The following FAM149A variants were observed in gnomAD, a reference collection of about 807,000 sequenced individuals.
FAM149A encodes protein FAM149A.
A neutral mutation model predicts 78.2 loss-of-function variants in FAM149A; 71 were observed. The observed-to-expected ratio is 0.91, with a 90% CI of 0.75 to 1.11. The LOEUF (loss-of-function observed/expected upper bound fraction) is 1.11. Among genes scored for constraint, FAM149A ranks in the 50% least tolerant of loss-of-function variants. The probability of loss-of-function intolerance (pLI) is 0.00; values close to 1 mark genes in which losing one functional copy is unlikely to be tolerated. For synonymous variants in FAM149A, 446 were observed against 410.5 expected, an observed-to-expected ratio of 1.09 and a Z score of -1.04; for missense variants, 1,036 against 971.0, an observed-to-expected ratio of 1.07 and a Z score of -0.89.
intron 1 of FAM149A, chr4:186,127,185 G>A: frequency 1.0e-6 from 1 of 977,654 alleles, no homozygotes; most frequent in Non-Finnish European, 1.2e-6. Flanking sequence ...TCCACCCTGA[G>A]TAGCATCACA....
At chr4:186,136,992 C>A (rs188399008) in intron 1 of FAM149A, among the ~76,000 whole-genome samples, 1 of 126,694 alleles carries the variant, frequency 7.9e-6, no homozygotes, top group Admixed American at 8.4e-5. Flanking sequence ...CTCTCTCTCT[C>A]TCTCTCTCTC....
intron 1 of FAM149A, among the ~76,000 whole-genome samples, chr4:186,138,949 G>T (rs1449901993): frequency 1.3e-5 from 2 of 152,202 alleles, no homozygotes; most frequent in Non-Finnish European, 2.9e-5. Flanking sequence ...CCTCCTGGAA[G>T]GGGAGACACA....
At chr4:186,154,232 A>T (rs1733846618) in intron 5 of FAM149A, among the ~76,000 whole-genome samples, 1 of 152,206 alleles carries the variant, frequency 6.6e-6, no homozygotes, top group Admixed American at 6.5e-5. Flanking sequence ...ACTGCAACCA[A>T]AGAGGGTACA....
At chr4:186,123,339 T>C in intron 1 of FAM149A, 4 of 985,502 alleles carry the variant, frequency 4.1e-6, no homozygotes, top group Non-Finnish European at 4.8e-6. Flanking sequence ...TTTTCTTGTC[T>C]GTACCTTTAT....
In FAM149A at chr4:186,165,390, C is replaced by T. The variant is rs200663596; in HGVS notation, c.1936C>T (p.Arg646Trp). 155 of 1,614,138 alleles carry T rather than the reference C, an allele frequency of 9.6e-5. 3 individuals carry two copies. The East Asian group carries it at 1.3e-3, about 13-fold the overall frequency. ...GGCTTCCCCACTGGTTCAAACGTCA[C>T]GGAGCAGGTTCCCCCCGCTAGTCAC... The change falls in exon 11 of 14, where the codon CGG becomes TGG. Residue 646 changes from arginine (R) to tryptophan (W), a missense_variant. Arg to Trp is a moderately radical substitution (Grantham distance 101, BLOSUM62 -3). Around this residue, in one of 3 missense-constraint regions of FAM149A, gnomAD observed 716 missense variants for 711.8 expected, o/e 1.01. Transcript: ENST00000389354.
chr4:186,113,830 G>C (rs1410076032), intron 1 of FAM149A, among the ~76,000 whole-genome samples: 1 of 150,922 alleles, frequency 6.6e-6, no homozygotes, highest in East Asian at 2.0e-4. Flanking sequence ...GGTCAATTTT[G>C]GAATAGGTGT....
intron 13 of FAM149A, among the ~76,000 whole-genome samples, chr4:186,168,556 A>G (rs1209456566): frequency 6.6e-6 from 1 of 152,114 alleles, no homozygotes; most frequent in African/African-American, 2.4e-5. Flanking sequence ...AGGTTTCACC[A>G]TATTGGCCAG....
At chr4:186,135,034 C>T (rs1014277143) in intron 1 of FAM149A, among the ~76,000 whole-genome samples, 8 of 152,222 alleles carry the variant, frequency 5.3e-5, no homozygotes, top group South Asian at 2.1e-4. Context: ...ACCAGCAGCA[C>T]GTGGGATCCT....
rs200534330 is a variant in FAM149A at position 186,163,476 on chromosome 4, G to T, written c.1732G>T (p.Ala578Ser). The change falls in exon 10 of 14, where the codon GCA becomes TCA. Residue 578 changes from alanine (A) to serine (S), a missense_variant. Ala to Ser is a moderately conservative substitution (Grantham distance 99). Coordinates refer to ENST00000389354, the MANE Select transcript of FAM149A (RefSeq NM_001367768.3). ...TGGAGGGGCAGGTGCTCTCTCCTCC[G>T]CACCGCACAGACTGGGACGGGCCTC... is the stretch of plus-strand genomic sequence containing the variant. The T allele has an allele frequency of 6.2e-7, 1 of 1,613,902 alleles. No homozygotes were observed. The highest frequency in any genetic ancestry group is 1.3e-5 in the African/African-American group (1 of 74,884).
Position 186,167,003 on chromosome 4 carries a change from T to C in FAM149A, c.2046T>C (p.Ser682=). 2 of 1,614,062 alleles carry C rather than the reference T, an allele frequency of 1.2e-6. No individual in the cohort carries two copies. The highest frequency in any genetic ancestry group is 1.1e-5 in the South Asian group (1 of 91,072). Residue 682 remains serine (S), a synonymous_variant, in exon 12 of 14, where the codon AGT becomes AGC. Coordinates refer to ENST00000389354, the MANE Select transcript of FAM149A (RefSeq NM_001367768.3). ...GGCATCTACAAAACCGTGTGTTGAG[T>C]GCCATGCCTGACGGTACAGAACGAT...
intron 9 of FAM149A, 124 bp from the exon 10 acceptor site, chr4:186,163,300 C>A: frequency 1.4e-6 from 1 of 699,684 alleles, no homozygotes; most frequent in Non-Finnish European, 2.5e-6. Context: ...TTCATTCAAC[C>A]CGTGCTTAGG....
At chr4:186,117,718 G>A in intron 1 of FAM149A, 1 of 946,334 alleles carries the variant, frequency 1.1e-6, no homozygotes, top group Non-Finnish European at 1.3e-6. Flanking sequence ...GAAAAGCCAG[G>A]ATTTAGGTAG....
rs1346107381 is a variant in FAM149A, at chr4:186,163,473, T to A, written c.1729T>A (p.Ser577Thr). 1 of 1,614,074 alleles carries A rather than the reference T, an allele frequency of 6.2e-7. No individual in the cohort carries two copies. Among genetic ancestry groups the A allele is most frequent in the East Asian group, 2.2e-5 (1 of 44,872 alleles). ...GGGTGGAGGGGCAGGTGCTCTCTCC[T>A]CCGCACCGCACAGACTGGGACGGGC... is the stretch of plus-strand genomic sequence containing the variant. Residue 577 changes from serine (S) to threonine (T), a missense_variant, in exon 10 of 14, where the codon TCC becomes ACC. Ser to Thr is a moderately conservative substitution (Grantham distance 58). Transcript: ENST00000389354.
intron 1 of FAM149A, among the ~76,000 whole-genome samples, chr4:186,130,886 G>A (rs902274627): frequency 2.6e-5 from 4 of 152,152 alleles, no homozygotes; most frequent in East Asian, 1.9e-4. Flanking sequence ...TGCAAAGTTG[G>A]TGTTGCAGAT....
At chr4:186,118,339 C>A in intron 1 of FAM149A, 1 of 599,786 alleles carries the variant, frequency 1.7e-6, no homozygotes, top group Non-Finnish European at 2.1e-6. Flanking sequence ...TACCAGGTAG[C>A]TACTTGTTCC....
At chr4:186,116,845 C>T (rs2099313939) in intron 1 of FAM149A, 1 of 802,524 alleles carries the variant, frequency 1.2e-6, no homozygotes, top group African/African-American at 1.9e-5. Context: ...ACAAGCATGG[C>T]CCTTGTGCCA....
chr4:186,123,216 G>A, intron 1 of FAM149A: 1 of 985,314 alleles, frequency 1.0e-6, no homozygotes, highest in Admixed American at 6.1e-5. Flanking sequence ...TTCAAAGGAT[G>A]TCCAAATCTT....
At chr4:186,141,340 T>TTA (rs113258237) in intron 1 of FAM149A, among the ~76,000 whole-genome samples, 5 of 152,336 alleles carry the variant, frequency 3.3e-5, no homozygotes, top group African/African-American at 1.2e-4. Flanking sequence ...TTACCAATTT[T>TTA]TATACAGATT....
intron 1 of FAM149A, among the ~76,000 whole-genome samples, chr4:186,147,586 C>CA (rs1194437958): frequency 6.6e-6 from 1 of 152,144 alleles, no homozygotes; most frequent in Non-Finnish European, 1.5e-5. Context: ...CACAAAAGAA[C>CA]AATGTTTTAG....
Sources: gnomAD v4.1 joint callset for allele counts (sites outside exome capture counted in the v4.1 genomes callset) on GRCh38, gnomAD v4.1.1 for gene constraint, gnomAD v4.1.1 regional missense constraint, MANE v1.5 for transcripts, NCBI Gene and HGNC (gene_info 2026-07-23, HGNC 2026-07-21) for gene names.